The following AWAT2 variants were observed in gnomAD, a reference collection of about 807,000 sequenced individuals.
AWAT2 encodes acyl-CoA wax alcohol acyltransferase 2.
In AWAT2, 9 loss-of-function variants were observed where a neutral mutation model predicts 22.3. The ratio of observed to expected loss-of-function variants is 0.40; its 90% confidence interval spans 0.24 to 0.70. AWAT2 has a LOEUF of 0.70. Among genes scored for constraint, AWAT2 ranks in the 30% least tolerant of loss-of-function variants. AWAT2 has a pLI of 0.36. For missense variants in AWAT2, 217 were observed against 265.9 expected (o/e 0.82, Z 1.28); for synonymous variants, 100 against 93.4 (o/e 1.07, Z -0.40).
At chrX:70,044,078 C>T in intron 2 of AWAT2, 82 bp from the exon 3 acceptor site, 1 of 1,046,070 alleles carries the variant, frequency 9.6e-7, no homozygotes, top group Non-Finnish European at 1.3e-6. Context: ...CCTGCTGTTT[C>T]CTGGCCTCTT....
intron 1 of AWAT2, among the ~76,000 whole-genome samples, chrX:70,048,492 GT>G (rs1426342807): frequency 8.9e-6 from 1 of 111,795 alleles, no homozygotes; most frequent in Non-Finnish European, 1.9e-5. Flanking sequence ...GCTTTTCCAT[GT>G]GTTGCCCACT....
chrX:70,041,618 A>G lies in AWAT2; in HGVS notation c.*40T>C. ...CAGTAGCTGCAAAGAAAGGGCAGAA[A>G]AGAGCTGGAAGGAAAAAAAAGGAGG... On this transcript the variant is annotated 3_prime_UTR_variant, in exon 8 of 8. Transcript: ENST00000276101. 3 of 422,914 alleles carry G rather than the reference A, an allele frequency of 7.1e-6. No individual in the cohort carries two copies. Among genetic ancestry groups the G allele is most frequent in the Non-Finnish European group, 7.9e-6 (2 of 253,754 alleles). The allele number at this position is 422,914 out of a possible 1,213,427, so 34.9% of individuals were successfully genotyped here.
chrX:70,045,564 C>G (rs2020356768), intron 1 of AWAT2, among the ~76,000 whole-genome samples: 1 of 111,347 alleles, frequency 9.0e-6, no homozygotes, highest in East Asian at 2.8e-4. Flanking sequence ...TCCCTCTCCT[C>G]CCCTACACAA....
Position 70,043,938 on chromosome X carries a change from A to G in AWAT2, c.255T>C (p.Tyr85=), listed in dbSNP as rs778051530. The part of the protein sequence containing the change: ...HWRLWKHYSD[Y]FPLKLLKTHD... ...TGGGGCTACTGACCTTGAGAGGGAA[A>G]TAATCGCTGTAGTGTTTCCACAGGC... Residue 85 remains tyrosine (Y), a synonymous_variant, in exon 3 of 8, where the codon TAT becomes TAC. Coordinates refer to ENST00000276101, the MANE Select transcript of AWAT2 (RefSeq NM_001002254.1). 8 of 1,203,419 alleles carry G rather than the reference A, an allele frequency of 6.6e-6. No individual in the cohort carries two copies. In the South Asian group the frequency reaches 9.0e-5, roughly 14 times the overall value.
chrX:70,041,379 AAGATGGGGCTCAATGCCGGG>A lies in AWAT2; in HGVS notation c.*259_*278del, dbSNP rs1420286116. ...TGTAGGAAGCAGGACTCAATGCCAG[AAGATGGGGCTCAATGCCGGG>A]AGATGGGGCTGTTTGACAGCTAGAG... On this transcript the variant is annotated 3_prime_UTR_variant, in exon 8 of 8. Transcript: ENST00000276101. 8.6e-6 allele frequency: 1 copy of A among 116,587 alleles called. No individual in the cohort carries two copies. Among genetic ancestry groups the A allele is most frequent in the Non-Finnish European group, 1.8e-5 (1 of 56,335 alleles). The allele number at this position is 116,587 out of a possible 1,213,427, so 9.6% of individuals were successfully genotyped here. A position where few individuals can be genotyped will look rare whatever the true frequency, so the allele number is the denominator to read the frequency against.
intron 1 of AWAT2, among the ~76,000 whole-genome samples, chrX:70,048,228 C>T (rs908871827): frequency 3.6e-5 from 4 of 111,003 alleles, no homozygotes; most frequent in Non-Finnish European, 5.7e-5. Context: ...TCTCTGATGC[C>T]ATCACCCTGT....
intron 3 of AWAT2, 66 bp downstream of exon 3, chrX:70,043,860 G>A: frequency 8.9e-7 from 1 of 1,121,716 alleles, no homozygotes; most frequent in Non-Finnish European, 1.2e-6. Flanking sequence ...CCCCTAGCCT[G>A]ACCCAACTGC....
Position 70,044,355 on chromosome X carries a change from G to A in AWAT2, c.193C>T (p.Arg65Ter), listed in dbSNP as rs757667716. Reference protein sequence around the residue: ...WLAFDWKTPQRGGRRFTCVRH... With the variant: ...WLAFDWKTPQ ...ACAGCACCAGCAGGATGCTTACCTC[G>A]CTGAGGGGTCTTCCAGTCAAAAGCC... The change falls in exon 2 of 8, where the codon CGA becomes TGA. Residue 65 changes from arginine (R) to a stop codon, truncating the protein, a stop_gained. Coordinates refer to ENST00000276101, the MANE Select transcript of AWAT2 (RefSeq NM_001002254.1). LOFTEE classifies it high-confidence loss of function. The A allele has an allele frequency of 3.3e-6, 4 of 1,210,690 alleles. No individual in the cohort carries two copies. Among genetic ancestry groups the A allele is most frequent in the East Asian group, 3.0e-5 (1 of 33,812 alleles).
chrX:70,044,065 C>A, intron 2 of AWAT2, 69 bp from the exon 3 acceptor site: 2 of 1,077,858 alleles, frequency 1.9e-6, no homozygotes, highest in Admixed American at 5.3e-5. Context: ...GGTGCTCTCA[C>A]CCCCTGCTGT....
intron 1 of AWAT2, among the ~76,000 whole-genome samples, chrX:70,048,337 C>A (rs1489697631): frequency 9.0e-6 from 1 of 111,517 alleles, no homozygotes; most frequent in East Asian, 2.8e-4. Context: ...GCCTGTTTCT[C>A]CAGTCTCTTC....
In AWAT2 at chrX:70,041,529, G is replaced by C; in HGVS notation, c.*129C>G. 3.4e-6 allele frequency: 1 copy of C among 290,070 alleles called. No individual in the cohort carries two copies. Among genetic ancestry groups the C allele is most frequent in the Non-Finnish European group, 6.0e-6 (1 of 166,308 alleles). The allele number at this position is 290,070 out of a possible 1,213,427, so 23.9% of individuals were successfully genotyped here. The stretch of plus-strand genomic sequence containing the variant: ...TTGTCCATTGTTTTCCTCAATGCTG[G>C]CACCAAAGTGCCGTCAGGGCACCTC... On this transcript the variant is annotated 3_prime_UTR_variant, in exon 8 of 8. Transcript: ENST00000276101.
rs1438384336 is a variant in AWAT2, at chrX:70,043,140, G to A, written c.576C>T (p.Tyr192=). The A allele has an allele frequency of 8.3e-7, 1 of 1,204,043 alleles. No homozygotes were observed. The highest frequency in any genetic ancestry group is 1.1e-6 in the Non-Finnish European group (1 of 891,707). Reference sequence around the variant, plus strand: ...CCAGGGTAGAAGAACCTGGCAGGCTGTATCTGCACTCAGCCAGTCCACCAA... The same window carrying A: ...CCAGGGTAGAAGAACCTGGCAGGCTATATCTGCACTCAGCCAGTCCACCAA... ...VVIGGLAECR[Y]SLPGSSTLVL... Residue 192 remains tyrosine, a synonymous_variant, in exon 5 of 8, where the codon TAC becomes TAT. Coordinates refer to ENST00000276101, the MANE Select transcript of AWAT2 (RefSeq NM_001002254.1).
At chrX:70,049,143 C>T (rs2020381840) in intron 1 of AWAT2, among the ~76,000 whole-genome samples, 1 of 111,931 alleles carries the variant, frequency 8.9e-6, no homozygotes, top group Non-Finnish European at 1.9e-5. Flanking sequence ...TGGCGTGCCT[C>T]TGTGCCAGCT....
At position 70,049,803 on chromosome X, in the gene AWAT2, G is replaced by T. The variant is rs761670321; in HGVS notation, c.85+45C>A. 2.6e-5 allele frequency: 31 copies of T among 1,195,559 alleles called. No homozygotes were observed. The South Asian group carries it at 5.6e-4, about 22-fold the overall frequency. Reference sequence around the variant, plus strand: ...CAACCCTAAAATCCTTCAGTCTCAGGCAAGCCAGGATGGTTGGTCACCCTA... The same window carrying T: ...CAACCCTAAAATCCTTCAGTCTCAGTCAAGCCAGGATGGTTGGTCACCCTA... On this transcript the variant is annotated intron_variant, in intron 1 of 7. Coordinates refer to ENST00000276101, the MANE Select transcript of AWAT2 (RefSeq NM_001002254.1).
rs769617781 is a variant in AWAT2, at chrX:70,041,876, G to A, written c.934C>T (p.Arg312Cys). 7.4e-6 allele frequency: 9 copies of A among 1,208,187 alleles called. No individual in the cohort carries two copies. Among genetic ancestry groups the A allele is most frequent in the South Asian group, 5.3e-5 (3 of 56,732 alleles). Reference protein sequence around the residue: ...KYHTLYIDALRKLFDQHKTKF... With the variant: ...KYHTLYIDALCKLFDQHKTKF... The stretch of plus-strand genomic sequence containing the variant: ...GTCTTATGCTGGTCAAACAGTTTAC[G>A]TAGGGCATCAATATAGAGTGTGTGA... The change falls in exon 7 of 8, where the codon CGT becomes TGT. Residue 312 changes from arginine to cysteine, a missense_variant. Arg to Cys is a radical substitution (Grantham distance 180). Transcript: ENST00000276101.
chrX:70,044,095 C>T, intron 2 of AWAT2, 99 bp from the exon 3 acceptor site: 1 of 990,588 alleles, frequency 1.0e-6, no homozygotes, highest in Non-Finnish European at 1.4e-6. Flanking sequence ...TCTTAAGTGG[C>T]AACCAAGGTG....
chrX:70,043,413 C>G, intron 4 of AWAT2, 65 bp downstream of exon 4: 1 of 1,068,816 alleles, frequency 9.4e-7, no homozygotes. Context: ...TCTCACGCAT[C>G]CCCCTACAAT....
At position 70,041,980 on chromosome X, in the gene AWAT2, G is replaced by A. The variant is rs760829389; in HGVS notation, c.848-18C>T. The A allele has an allele frequency of 1.7e-6, 2 of 1,204,402 alleles. No homozygotes were observed. Among genetic ancestry groups the A allele is most frequent in the African/African-American group, 1.8e-5 (1 of 57,020 alleles). ...CTCCCCGACTGCCAGGGGAGACAGT[G>A]AAGGAAAAGGGAAAAGCATCAGAAT... On this transcript the variant is annotated intron_variant, in intron 6 of 7. Transcript: ENST00000276101.
intron 5 of AWAT2, 157 bp downstream of exon 5, chrX:70,042,912 C>A: frequency 4.0e-5 from 18 of 446,890 alleles, no homozygotes; most frequent in Non-Finnish European, 5.9e-5. Flanking sequence ...TTTTAATTGA[C>A]AAATAAAACT....
Sources: gnomAD v4.1 joint callset for allele counts (sites outside exome capture counted in the v4.1 genomes callset) on GRCh38, gnomAD v4.1.1 for gene constraint, MANE v1.5 for transcripts, NCBI Gene and HGNC (gene_info 2026-07-23, HGNC 2026-07-21) for gene names.